KDM4C: variants seen among roughly 807,000 people sequenced by gnomAD.
KDM4C encodes lysine demethylase 4C.
In KDM4C, 81 loss-of-function variants were observed where a neutral mutation model predicts 129.3. The observed-to-expected ratio is 0.63, with a 90% confidence interval of 0.52 to 0.75. The LOEUF (loss-of-function observed/expected upper bound fraction) is 0.75, where lower values mean the gene tolerates loss of function less well. Ranked by LOEUF, KDM4C falls within the 30% of genes least tolerant of loss-of-function variation. KDM4C has a pLI of 0.00. For missense variants in KDM4C, 1,457 were observed against 1,304.0 expected (o/e 1.12, Z -1.81); for synonymous variants, 573 against 456.1 (o/e 1.26, Z -3.26).
chr9:7,155,489 T>C (rs538818775), intron 19 of KDM4C, among the ~76,000 whole-genome samples: 33 of 152,294 alleles, frequency 2.2e-4, no homozygotes, highest in Admixed American at 1.7e-3. Context: ...GTATTTCTCC[T>C]AAGGCTATCC....
chr9:7,077,292 G>C (rs1468867133), intron 17 of KDM4C: 1 of 923,184 alleles, frequency 1.1e-6, no homozygotes, highest in Non-Finnish European at 1.3e-6. Context: ...AATTTGATTT[G>C]CGTATTTACA....
At chr9:6,854,186 G>T (rs7035183) in intron 5 of KDM4C, among the ~76,000 whole-genome samples, 50 of 152,204 alleles carry the variant, frequency 3.3e-4, no homozygotes, top group African/African-American at 1.2e-3. Context: ...ATAGAATTCA[G>T]ATGGTATCTT....
intron 15 of KDM4C, among the ~76,000 whole-genome samples, chr9:7,035,061 G>T (rs1388016051): frequency 4.0e-5 from 6 of 151,888 alleles, no homozygotes; most frequent in African/African-American, 1.4e-4. Flanking sequence ...TGCCCAGGCT[G>T]GAGTTTAGTG....
chr9:6,920,552 G>GACTCCATCTCAAAAAA (rs144597572), intron 8 of KDM4C, among the ~76,000 whole-genome samples: 9 of 87,666 alleles, frequency 1.0e-4, no homozygotes, highest in South Asian at 5.0e-4. Flanking sequence ...AACAGAACAA[G>GACTCCATCTCAAAAAA]AAAAAAAAAA....
chr9:6,910,033 G>A (rs968301339), intron 8 of KDM4C, among the ~76,000 whole-genome samples: 1 of 152,124 alleles, frequency 6.6e-6, no homozygotes, highest in African/African-American at 2.4e-5. Flanking sequence ...TAGCAAGTTC[G>A]TGAGAAGGAA....
At chr9:6,776,419 G>A (rs558177627) in intron 1 of KDM4C, among the ~76,000 whole-genome samples, 2 of 151,890 alleles carry the variant, frequency 1.3e-5, no homozygotes, top group Admixed American at 1.3e-4. Context: ...ATGCCATCAC[G>A]ACCAGCTAAT....
chr9:6,856,992 C>G (rs557496626), intron 5 of KDM4C, among the ~76,000 whole-genome samples: 4 of 152,142 alleles, frequency 2.6e-5, no homozygotes, highest in Non-Finnish European at 5.9e-5. Context: ...CTCCTGACCT[C>G]ATGATCCATC....
At chr9:7,142,228 C>G (rs892407170) in intron 19 of KDM4C, among the ~76,000 whole-genome samples, 2 of 152,138 alleles carry the variant, frequency 1.3e-5, no homozygotes, top group African/African-American at 4.8e-5. Context: ...GTTTCCAACC[C>G]TTTATTCTGT....
chr9:6,826,145 GTTT>G (rs1375713399), intron 4 of KDM4C, among the ~76,000 whole-genome samples: 1 of 150,944 alleles, frequency 6.6e-6, no homozygotes, highest in African/African-American at 2.4e-5. Flanking sequence ...AAATATAAAT[GTTT>G]TATATATTTC....
In KDM4C at chr9:6,901,863, T is replaced by C. The variant is rs149783715; in HGVS notation, c.921+8631T>C. Among the ~76,000 whole-genome samples, 577 of 152,334 alleles carry C rather than the reference T, an allele frequency of 3.8e-3. 3 individuals carry two copies. Among genetic ancestry groups the C allele is most frequent in the African/African-American group, 0.013 (547 of 41,568 alleles). ...AAAAAACTAAGTAAGACATGTAGTT[T>C]CTGTATAGTGGCGCTTACAGACTTC... On this transcript the variant is annotated intron_variant, in intron 8 of 21. Coordinates refer to ENST00000381309, the MANE Select transcript of KDM4C (RefSeq NM_015061.6).
rs148776527 is a variant in KDM4C at position 6,949,867 on chromosome 9, C to G, written c.922-31058C>G. Among the ~76,000 whole-genome samples the G allele has an allele frequency of 3.2e-3, 487 of 151,558 alleles. 2 individuals carry two copies. The highest frequency in any genetic ancestry group is 0.01 in the African/African-American group (432 of 41,218). On this transcript the variant is annotated intron_variant, in intron 8 of 21. Transcript: ENST00000381309. ...GAGACCGTGGGGAGAGGGAGAGGGA[C>G]CATTTTTTTTGTTAATGAAGCCAAA...
intron 15 of KDM4C, among the ~76,000 whole-genome samples, chr9:7,032,629 C>G (rs576419335): frequency 1.4e-4 from 21 of 152,212 alleles, no homozygotes; most frequent in Non-Finnish European, 2.9e-4. Flanking sequence ...CGTTTTACAA[C>G]TAATGAACCG....
At chr9:7,109,994 G>A (rs1192589257) in intron 18 of KDM4C, among the ~76,000 whole-genome samples, 1 of 152,114 alleles carries the variant, frequency 6.6e-6, no homozygotes, top group Non-Finnish European at 1.5e-5. Context: ...GTGAGGAGGT[G>A]CCTTCTGCCT....
At chr9:6,754,372 C>G (rs1818174378), upstream of KDM4C, among the ~76,000 whole-genome samples, 1 of 151,390 alleles carries the variant, frequency 6.6e-6, no homozygotes, top group Non-Finnish European at 1.5e-5. Flanking sequence ...GCCACCATGC[C>G]CAGCTAATTT....
intron 12 of KDM4C, among the ~76,000 whole-genome samples, chr9:7,009,678 G>A (rs1822331028): frequency 6.6e-6 from 1 of 152,070 alleles, no homozygotes; most frequent in Admixed American, 6.5e-5. Context: ...TCAAATCATG[G>A]GTGTTATTAT....
intron 19 of KDM4C, among the ~76,000 whole-genome samples, chr9:7,163,031 C>G (rs1306171934): frequency 6.6e-6 from 1 of 152,040 alleles, no homozygotes; most frequent in Admixed American, 6.6e-5. Flanking sequence ...ATTAGACAGG[C>G]TTACCTAGTG....
At chr9:7,074,449 G>A (rs1023910834) in intron 17 of KDM4C, among the ~76,000 whole-genome samples, 4 of 152,178 alleles carry the variant, frequency 2.6e-5, no homozygotes, top group Non-Finnish European at 5.9e-5. Flanking sequence ...TTACGGGTAT[G>A]AGCCACTGTG....
At chr9:6,808,925 C>T (rs1483636469) in intron 3 of KDM4C, among the ~76,000 whole-genome samples, 1 of 151,920 alleles carries the variant, frequency 6.6e-6, no homozygotes, top group Non-Finnish European at 1.5e-5. Context: ...CAGATGAAAG[C>T]ATAAATCTTA....
At chr9:6,725,328 G>GTGTT (rs1290323806) in intron 1 of KDM4C, among the ~76,000 whole-genome samples, 1 of 151,398 alleles carries the variant, frequency 6.6e-6, no homozygotes, top group Non-Finnish European at 1.5e-5. Flanking sequence ...CATCTAGTGT[G>GTGTT]TGTGTGTGTG....
Sources: allele counts gnomAD v4.1 joint callset (sites outside exome capture counted in the v4.1 genomes callset), GRCh38; gene constraint gnomAD v4.1.1; transcripts MANE v1.5; gene names NCBI Gene and HGNC (gene_info 2026-07-23, HGNC 2026-07-21).